The following SGCZ variants were observed in gnomAD, a reference collection of about 807,000 sequenced individuals.
SGCZ encodes zeta-sarcoglycan.
In SGCZ, 40 loss-of-function variants were observed where a neutral mutation model predicts 41.3. The ratio of observed to expected loss-of-function variants is 0.97; its 90% CI spans 0.75 to 1.26. SGCZ has a LOEUF of 1.26. Ranked by LOEUF, SGCZ falls within the 50% of genes most tolerant of loss-of-function variation. The pLI, the probability that SGCZ is intolerant of heterozygous loss-of-function variation, is 0.00. For synonymous variants in SGCZ, 206 were observed against 137.5 expected, an observed-to-expected ratio of 1.50 and a Z score of -3.49; for missense variants, 552 against 369.8, an observed-to-expected ratio of 1.49 and a Z score of -4.04.
At chr8:14,928,906 T>C (rs1432451024) in intron 1 of SGCZ, among the ~76,000 whole-genome samples, 1 of 152,184 alleles carries the variant, frequency 6.6e-6, no homozygotes, top group East Asian at 1.9e-4. Flanking sequence ...ATTAAATTTG[T>C]TCCATTATCA....
chr8:15,088,130 T>G (rs369533407), intron 1 of SGCZ, among the ~76,000 whole-genome samples: 9 of 152,298 alleles, frequency 5.9e-5, no homozygotes, highest in African/African-American at 2.2e-4. Flanking sequence ...TCATAGGCAG[T>G]GCAATATGCA....
intron 3 of SGCZ, among the ~76,000 whole-genome samples, chr8:14,257,588 T>C (rs1799511092): frequency 6.6e-6 from 1 of 151,794 alleles, no homozygotes; most frequent in African/African-American, 2.4e-5. Flanking sequence ...ACCCATTAAC[T>C]CATCATTTAC....
intron 2 of SGCZ, among the ~76,000 whole-genome samples, chr8:14,493,894 G>C (rs1801915424): frequency 6.6e-6 from 1 of 151,812 alleles, no homozygotes; most frequent in African/African-American, 2.4e-5. Context: ...ACACTCTTTG[G>C]CAATAAGTCT....
intron 1 of SGCZ, among the ~76,000 whole-genome samples, chr8:14,611,395 T>A (rs907681211): frequency 3.9e-5 from 6 of 152,132 alleles, no homozygotes; most frequent in Admixed American, 2.6e-4. Flanking sequence ...AATGACACTT[T>A]TAGAGATTAT....
intron 4 of SGCZ, among the ~76,000 whole-genome samples, chr8:14,197,142 T>C (rs914304761): frequency 6.6e-6 from 1 of 152,108 alleles, no homozygotes; most frequent in Non-Finnish European, 1.5e-5. Flanking sequence ...TAAAATAAAG[T>C]TTCCTAAGGA....
At chr8:14,543,215 C>G (rs1333478262) in intron 2 of SGCZ, among the ~76,000 whole-genome samples, 1 of 151,960 alleles carries the variant, frequency 6.6e-6, no homozygotes, top group Non-Finnish European at 1.5e-5. Context: ...GTTTCTTGCT[C>G]CTAATACTGT....
At position 15,053,911 on chromosome 8, in the gene SGCZ, T is replaced by TC. The variant is rs1173654309; in HGVS notation, c.39+183673dup. The stretch of plus-strand genomic sequence containing the variant: ...AGAATTCTGACACCAAAACCCAAAA[T>TC]CCCCCATTCTTAAATCATGACTGCC... On this transcript the variant is annotated intron_variant, in intron 1 of 7. Transcript: ENST00000382080. 2.6e-5 allele frequency among the ~76,000 whole-genome samples: 4 copies of TC among 152,124 alleles called. No individual in the cohort carries two copies. In the South Asian group the frequency reaches 6.2e-4, roughly 24 times the overall value.
intron 1 of SGCZ, among the ~76,000 whole-genome samples, chr8:15,074,726 T>C (rs1805467856): frequency 6.6e-6 from 1 of 151,790 alleles, no homozygotes; most frequent in Non-Finnish European, 1.5e-5. Context: ...CCTTTTCCCA[T>C]GCTTTGTCAT....
intron 1 of SGCZ, among the ~76,000 whole-genome samples, chr8:14,870,605 G>C (rs987394152): frequency 1.3e-5 from 2 of 152,040 alleles, no homozygotes; most frequent in Non-Finnish European, 2.9e-5. Context: ...TTAAACTAAA[G>C]AGCTTCTGCA....
chr8:15,198,131 G>A (rs961366416), intron 1 of SGCZ, among the ~76,000 whole-genome samples: 5 of 150,734 alleles, frequency 3.3e-5, no homozygotes, highest in African/African-American at 1.2e-4. Context: ...TCAAGAAAGA[G>A]AAACAGAGAC....
chr8:14,562,973 T>C (rs552011849), intron 1 of SGCZ, among the ~76,000 whole-genome samples: 23 of 152,180 alleles, frequency 1.5e-4, no homozygotes, highest in Non-Finnish European at 2.9e-4. Flanking sequence ...AGGAGTAGTA[T>C]AGACAGGTAA....
chr8:14,392,616 T>C (rs1350390330), intron 2 of SGCZ, among the ~76,000 whole-genome samples: 1 of 152,170 alleles, frequency 6.6e-6, no homozygotes, highest in Admixed American at 6.6e-5. Context: ...TCTATTTTTA[T>C]TCATTTTATA....
chr8:14,339,375 T>A (rs1227653905), intron 2 of SGCZ, among the ~76,000 whole-genome samples: 2 of 152,196 alleles, frequency 1.3e-5, no homozygotes, highest in East Asian at 3.9e-4. Context: ...GTTCTCTAAA[T>A]GTTTAAATAC....
At chr8:14,445,404 G>A (rs529528901) in intron 2 of SGCZ, among the ~76,000 whole-genome samples, 1 of 152,176 alleles carries the variant, frequency 6.6e-6, no homozygotes, top group Non-Finnish European at 1.5e-5. Flanking sequence ...TCACTTGGTA[G>A]AGGGAAGAGA....
chr8:14,722,659 C>T (rs7461133), intron 1 of SGCZ, among the ~76,000 whole-genome samples: 1 of 151,800 alleles, frequency 6.6e-6, no homozygotes, highest in African/African-American at 2.4e-5. Context: ...TGAAATTTTA[C>T]ACAGGTTGAC....
intron 1 of SGCZ, among the ~76,000 whole-genome samples, chr8:14,741,507 T>C (rs555309990): frequency 2.6e-4 from 39 of 152,178 alleles, no homozygotes; most frequent in Non-Finnish European, 4.3e-4. Context: ...CATTTTAGCT[T>C]CTCCATAATA....
At chr8:14,686,060 T>A (rs1460394038) in intron 1 of SGCZ, among the ~76,000 whole-genome samples, 1 of 152,114 alleles carries the variant, frequency 6.6e-6, no homozygotes. Flanking sequence ...AAACTATATG[T>A]TTCGTCTCGG....
At chr8:15,061,874 C>T (rs1300150037) in intron 1 of SGCZ, among the ~76,000 whole-genome samples, 1 of 152,102 alleles carries the variant, frequency 6.6e-6, no homozygotes, top group Non-Finnish European at 1.5e-5. Context: ...AAGTTAAAGC[C>T]GTAACAATGG....
At chr8:14,156,860 T>A (rs1803891690) in intron 5 of SGCZ, among the ~76,000 whole-genome samples, 1 of 152,142 alleles carries the variant, frequency 6.6e-6, no homozygotes, top group African/African-American at 2.4e-5. Context: ...GAAGCTGTCA[T>A]CCCCTATGAT....
Sources: allele counts gnomAD v4.1 joint callset (sites outside exome capture counted in the v4.1 genomes callset), GRCh38; gene constraint gnomAD v4.1.1; transcripts MANE v1.5; gene names NCBI Gene and HGNC (gene_info 2026-07-23, HGNC 2026-07-21).